The following SLC18A2 variants were observed in gnomAD, a reference collection of about 807,000 sequenced individuals.
SLC18A2 encodes solute carrier family 18 member A2.
A neutral mutation model predicts 59.2 loss-of-function variants in SLC18A2; 33 were observed. The ratio of observed to expected loss-of-function variants is 0.56; its 90% CI spans 0.42 to 0.75. The LOEUF is 0.75. Among genes scored for constraint, SLC18A2 ranks in the 30% least tolerant of loss-of-function variants. The pLI, the probability that SLC18A2 is intolerant of heterozygous loss-of-function variation, is 0.00. For missense variants in SLC18A2, 569 were observed against 668.6 expected (o/e 0.85, Z 1.64); for synonymous variants, 228 against 253.5 (o/e 0.90, Z 0.95).
Position 117,279,009 on chromosome 10 carries a change from A to C in SLC18A2, c.*1743A>C, listed in dbSNP as rs2133752391. 6.6e-6 allele frequency: 1 copy of C among 152,330 alleles called. No individual in the cohort carries two copies. Among genetic ancestry groups the C allele is most frequent in the East Asian group, 1.9e-4 (1 of 5,192 alleles). The allele number at this position is 152,330 out of a possible 1,614,324, so 9.4% of individuals were successfully genotyped here. A position where few individuals can be genotyped will look rare whatever the true frequency, so the allele number is the denominator to read the frequency against. On this transcript the variant is annotated 3_prime_UTR_variant, in exon 16 of 16. Coordinates refer to ENST00000644641, the MANE Select transcript of SLC18A2 (RefSeq NM_003054.6). ...TGGTTCTCCCTGCCCCCAATACCAT[A>C]TACTTTATTGCAATTTTATTTTTGC... is the stretch of plus-strand genomic sequence containing the variant.
intron 7 of SLC18A2, 41 bp downstream of exon 7, chr10:117,255,407 T>C (rs1470618754): frequency 2.5e-6 from 4 of 1,613,900 alleles, no homozygotes; most frequent in Non-Finnish European, 3.4e-6. Flanking sequence ...GACCTTGGCA[T>C]CGTGCTGGCA....
intron 3 of SLC18A2, among the ~76,000 whole-genome samples, chr10:117,245,488 C>T (rs1185969780): frequency 2.0e-5 from 3 of 152,010 alleles, no homozygotes; most frequent in Admixed American, 1.3e-4. Context: ...GTGAATCAAG[C>T]ACTATTTTAA....
chr10:117,267,544 C>A, intron 12 of SLC18A2, 129 bp from the exon 13 acceptor site: 1 of 614,432 alleles, frequency 1.6e-6, no homozygotes, highest in Non-Finnish European at 2.8e-6. Context: ...CCCCACCCTT[C>A]TTCCTCCTGT....
At chr10:117,248,742 C>T (rs943816537) in intron 3 of SLC18A2, among the ~76,000 whole-genome samples, 6 of 152,150 alleles carry the variant, frequency 3.9e-5, no homozygotes, top group African/African-American at 7.2e-5. Context: ...AGTCAGGTAA[C>T]GATATGGCAT....
chr10:117,266,487 G>A (rs1460244694), intron 10 of SLC18A2, among the ~76,000 whole-genome samples: 1 of 152,242 alleles, frequency 6.6e-6, no homozygotes, highest in Non-Finnish European at 1.5e-5. Context: ...CAGAGATGGA[G>A]GCAAGATGAA....
intron 9 of SLC18A2, among the ~76,000 whole-genome samples, chr10:117,257,547 G>A (rs922894184): frequency 7.2e-5 from 11 of 152,140 alleles, no homozygotes; most frequent in African/African-American, 2.7e-4. Context: ...TTAAACCAAA[G>A]GAACTCTAGG....
intron 10 of SLC18A2, among the ~76,000 whole-genome samples, chr10:117,260,765 T>A (rs748480509): frequency 2.6e-5 from 4 of 152,172 alleles, no homozygotes; most frequent in Non-Finnish European, 4.4e-5. Context: ...GACCCCAAGA[T>A]AAAGATTTTG....
intron 14 of SLC18A2, 38 bp from the exon 15 acceptor site, chr10:117,270,292 T>C: frequency 6.2e-7 from 1 of 1,613,886 alleles, no homozygotes; most frequent in Non-Finnish European, 8.5e-7. Context: ...CTACAAGACA[T>C]TTGGAAGAGC....
rs363270 is a variant in SLC18A2, at chr10:117,267,747, C to T, written c.1186+11C>T. 7,638 of 1,545,536 alleles carry T rather than the reference C, an allele frequency of 4.9e-3. 194 individuals carry two copies. The African/African-American group carries it at 0.073, about 15-fold the overall frequency. On this transcript the variant is annotated intron_variant, in intron 13 of 15. Coordinates refer to ENST00000644641, the MANE Select transcript of SLC18A2 (RefSeq NM_003054.6). ...TTGGTTTTGCAATTGGTAAGTCACA[C>T]GAACCTTGTGCCTACATTTAAAACC...
intron 10 of SLC18A2, among the ~76,000 whole-genome samples, chr10:117,264,189 T>C (rs1317638545): frequency 1.6e-4 from 25 of 152,224 alleles, no homozygotes; most frequent in Admixed American, 1.6e-3. Context: ...TGGTGAACTT[T>C]CTGGTGTGAG....
Position 117,266,483 on chromosome 10 carries a change from T to G in SLC18A2, c.992-250T>G, listed in dbSNP as rs187153606. Among the ~76,000 whole-genome samples the G allele has an allele frequency of 5.6e-3, 859 of 152,310 alleles. 2 individuals are homozygous for G. Among genetic ancestry groups the G allele is most frequent in the Non-Finnish European group, 7.2e-3 (489 of 68,034 alleles). ...TGTGAAGCCCACCACCAGCCAGAGA[T>G]GGAGGCAAGATGAAGCAGTTGATAG... is the stretch of plus-strand genomic sequence containing the variant. On this transcript the variant is annotated intron_variant, in intron 10 of 15. Transcript: ENST00000644641.
At position 117,269,528 on chromosome 10, in the gene SLC18A2, G is replaced by A. The variant is rs1336922640; in HGVS notation, c.1187-543G>A. ...AGATGGTGTGTGTTCAGAGTTCCTG[G>A]CTCAGACTCCCTGGCTCAGTGAGTG... is the stretch of plus-strand genomic sequence containing the variant. On this transcript the variant is annotated intron_variant, in intron 13 of 15. Coordinates refer to ENST00000644641, the MANE Select transcript of SLC18A2 (RefSeq NM_003054.6). This position sits in a 1 kb window ranked among gnomAD's most constrained non-coding sequence, Gnocchi z 5.1. Among the ~76,000 whole-genome samples, 1 of 152,138 alleles carries A rather than the reference G, an allele frequency of 6.6e-6. No individual in the cohort carries two copies. Among genetic ancestry groups the A allele is most frequent in the Admixed American group, 6.5e-5 (1 of 15,270 alleles).
chr10:117,263,085 C>T (rs1385006813), intron 10 of SLC18A2, among the ~76,000 whole-genome samples: 2 of 152,210 alleles, frequency 1.3e-5, no homozygotes, highest in Admixed American at 6.5e-5. Context: ...TTTCCACCAC[C>T]GAGGTTCCTC....
At chr10:117,243,249 CCT>C (rs1238182071) in intron 2 of SLC18A2, among the ~76,000 whole-genome samples, 2 of 152,206 alleles carry the variant, frequency 1.3e-5, no homozygotes, top group Non-Finnish European at 2.9e-5. Context: ...GTCTTTTGAG[CCT>C]CTCTTTCTTA....
In SLC18A2 at chr10:117,255,502, C is replaced by G; in HGVS notation, c.814C>G (p.Pro272Ala). 6.2e-7 allele frequency: 1 copy of G among 1,614,068 alleles called. No individual in the cohort carries two copies. Among genetic ancestry groups the G allele is most frequent in the South Asian group, 1.1e-5 (1 of 91,088 alleles). The change falls in exon 8 of 16, where the codon CCG becomes GCG. Residue 272 changes from proline to alanine, a missense_variant. Physicochemically the swap from Pro to Ala is conservative, Grantham distance 27. Around this residue, in one of 2 missense-constraint regions of SLC18A2, gnomAD observed 377 missense variants for 389.8 expected, o/e 0.97. Coordinates refer to ENST00000644641, the MANE Select transcript of SLC18A2 (RefSeq NM_003054.6). ...DGAIQLFVLQPSRVQPESQKG... is the reference protein window; with the variant it reads ...DGAIQLFVLQASRVQPESQKG... Reference sequence around the variant, plus strand: ...AGCTATTCAGCTCTTTGTGCTCCAGCCGTCCCGGGTGCAGCCAGAGGTAAG... The same window carrying G: ...AGCTATTCAGCTCTTTGTGCTCCAGGCGTCCCGGGTGCAGCCAGAGGTAAG...
chr10:117,260,472 CT>C lies in SLC18A2; in HGVS notation c.991+2581del, dbSNP rs539452295. Among the ~76,000 whole-genome samples, 32 of 152,232 alleles carry C rather than the reference CT, an allele frequency of 2.1e-4. No homozygotes were observed. The East Asian group carries it at 3.7e-3, about 18-fold the overall frequency. On this transcript the variant is annotated intron_variant, in intron 10 of 15. Coordinates refer to ENST00000644641, the MANE Select transcript of SLC18A2 (RefSeq NM_003054.6). The stretch of plus-strand genomic sequence containing the variant: ...GTATTGTCCCTTCTCCTCTCCCACT[CT>C]GTTTGTCCTCAGGAAGGTATGGGGG...
At position 117,241,774 on chromosome 10, in the gene SLC18A2, C is replaced by T; in HGVS notation, c.81C>T (p.Phe27=). ...GGAAGCTCATCCTGTTCATCGTGTT[C>T]CTGGCGCTGCTGCTGGACAACATGC... ...RSRKLILFIV[F]LALLLDNMLL... is the part of the protein sequence containing the mutation. Residue 27 remains phenylalanine (F), a synonymous_variant, in exon 2 of 16, where the codon TTC becomes TTT. Transcript: ENST00000644641. 2 of 1,611,268 alleles carry T rather than the reference C, an allele frequency of 1.2e-6. No individual in the cohort carries two copies. The highest frequency in any genetic ancestry group is 1.7e-5 in the Admixed American group (1 of 59,964).
Position 117,257,818 on chromosome 10 carries a change from T to C in SLC18A2, c.917T>C (p.Met306Thr). 1 of 1,609,410 alleles carries C rather than the reference T, an allele frequency of 6.2e-7. No homozygotes were observed. Among genetic ancestry groups the C allele is most frequent in the Non-Finnish European group, 8.5e-7 (1 of 1,177,762 alleles). The change falls in exon 10 of 16, where the codon ATG becomes ACG. Residue 306 changes from methionine (M) to threonine (T), a missense_variant. Around this residue, in one of 2 missense-constraint regions of SLC18A2, gnomAD observed 192 missense variants for 278.8 expected, o/e 0.69. Transcript: ENST00000644641. Reference sequence around the variant, plus strand: ...ACAGGCTCCATCTGCTTTGCAAACATGGGCATCGCCATGCTGGAGCCAGCC... The same window carrying C: ...ACAGGCTCCATCTGCTTTGCAAACACGGGCATCGCCATGCTGGAGCCAGCC... ...IAAGSICFAN[M>T]GIAMLEPALP...
chr10:117,276,613 C>CAAAAAAAA (rs1161850365), intron 15 of SLC18A2, among the ~76,000 whole-genome samples: 17 of 46,660 alleles, frequency 3.6e-4, no homozygotes, highest in Non-Finnish European at 4.0e-4. Flanking sequence ...GACTTCATCT[C>CAAAAAAAA]AAAAAAAAAA....
Sources: allele counts gnomAD v4.1 joint callset (sites outside exome capture counted in the v4.1 genomes callset), GRCh38; gene constraint gnomAD v4.1.1; regional missense constraint gnomAD v4.1.1; non-coding constraint Gnocchi (gnomAD v3.1); transcripts MANE v1.5; gene names NCBI Gene and HGNC (gene_info 2026-07-23, HGNC 2026-07-21).